ADCY2: variants seen among roughly 807,000 people sequenced by gnomAD.
ADCY2 encodes adenylate cyclase 2, also known as adenylate cyclase type 2.
Under a neutral mutation model 125.2 loss-of-function variants are expected in ADCY2, and 31 were observed. The observed-to-expected ratio is 0.25, with a 90% CI of 0.19 to 0.33. The LOEUF (loss-of-function observed/expected upper bound fraction) is 0.33, where lower values mean the gene tolerates loss of function less well. Among genes scored for constraint, ADCY2 ranks in the 10% least tolerant of loss-of-function variants. The pLI, the probability that ADCY2 is intolerant of heterozygous loss-of-function variation, is 1.00. For missense variants in ADCY2, 904 were observed against 1,418.2 expected (o/e 0.64, Z 5.82); for synonymous variants, 512 against 548.4 (o/e 0.93, Z 0.93).
At chr5:7,760,673 G>T (rs1743167632) in intron 16 of ADCY2, among the ~76,000 whole-genome samples, 2 of 152,062 alleles carry the variant, frequency 1.3e-5, no homozygotes, top group Admixed American at 1.3e-4. Context: ...ATGATGTTTT[G>T]ATATACATAT....
At chr5:7,664,516 G>A (rs1739647334) in intron 4 of ADCY2, among the ~76,000 whole-genome samples, 1 of 152,094 alleles carries the variant, frequency 6.6e-6, no homozygotes, top group African/African-American at 2.4e-5. Flanking sequence ...CTATCTAAGG[G>A]GTCTGGGGAG....
intron 3 of ADCY2, among the ~76,000 whole-genome samples, chr5:7,531,660 C>G (rs1734648275): frequency 1.3e-5 from 2 of 152,192 alleles, no homozygotes; most frequent in Non-Finnish European, 2.9e-5. Context: ...TAGGTCCTAT[C>G]TATGCCCCTG....
chr5:7,757,379 T>A, intron 15 of ADCY2, 70 bp from the exon 16 acceptor site: 1 of 1,559,978 alleles, frequency 6.4e-7, no homozygotes, highest in Non-Finnish European at 8.7e-7. Context: ...GTTGTAAACA[T>A]TGTCATCAAG....
At chr5:7,825,331 C>G (rs144817140) in intron 24 of ADCY2, among the ~76,000 whole-genome samples, 471 of 152,214 alleles carry the variant, frequency 3.1e-3, no homozygotes, top group Middle Eastern at 0.027. Flanking sequence ...TGTGCCATAA[C>G]ACTGCTGTGT....
intron 4 of ADCY2, among the ~76,000 whole-genome samples, chr5:7,644,999 C>CT (rs1340325205): frequency 6.6e-6 from 1 of 152,136 alleles, no homozygotes; most frequent in Non-Finnish European, 1.5e-5. Context: ...AGGGACAATT[C>CT]TGTCCTTGTT....
At position 7,813,470 on chromosome 5, in the gene ADCY2, A is replaced by G. The variant is rs571122939; in HGVS notation, c.2884-3396A>G. Among the ~76,000 whole-genome samples the G allele has an allele frequency of 2.0e-5, 3 of 152,348 alleles. No individual in the cohort carries two copies. The East Asian group carries it at 5.8e-4, about 29-fold the overall frequency. On this transcript the variant is annotated intron_variant, in intron 22 of 24. Coordinates refer to ENST00000338316, the MANE Select transcript of ADCY2 (RefSeq NM_020546.3). ...ACTTCCAAAACAACCAGTTTATAAA[A>G]TATGTTTCAGAGAACTGAGCGAGTA...
At chr5:7,726,906 A>G (rs1251658212) in intron 13 of ADCY2, among the ~76,000 whole-genome samples, 1 of 152,126 alleles carries the variant, frequency 6.6e-6, no homozygotes, top group Non-Finnish European at 1.5e-5. Context: ...TACTAGAGAG[A>G]TTCAGTTACT....
At chr5:7,566,617 G>A (rs1735901657) in intron 3 of ADCY2, among the ~76,000 whole-genome samples, 1 of 152,132 alleles carries the variant, frequency 6.6e-6, no homozygotes, top group Admixed American at 6.5e-5. Context: ...GCCCCACTTT[G>A]TAGATGTCAA....
intron 4 of ADCY2, among the ~76,000 whole-genome samples, chr5:7,652,930 G>A (rs1739147426): frequency 6.6e-6 from 1 of 152,172 alleles, no homozygotes; most frequent in Non-Finnish European, 1.5e-5. Context: ...TCCAGAAGGA[G>A]AAGAAACGTG....
intron 14 of ADCY2, among the ~76,000 whole-genome samples, chr5:7,734,504 T>C (rs1194130336): frequency 6.6e-6 from 1 of 152,196 alleles, no homozygotes; most frequent in Non-Finnish European, 1.5e-5. Flanking sequence ...AAAAGTAATT[T>C]TTCTTGCCTC....
At chr5:7,662,536 G>A (rs1057291604) in intron 4 of ADCY2, among the ~76,000 whole-genome samples, 4 of 152,188 alleles carry the variant, frequency 2.6e-5, no homozygotes, top group South Asian at 4.1e-4. Flanking sequence ...AGCCCAGCAC[G>A]GCAGCACTGC....
intron 3 of ADCY2, among the ~76,000 whole-genome samples, chr5:7,557,445 T>A: frequency 6.6e-6 from 1 of 151,760 alleles, no homozygotes; most frequent in Middle Eastern, 3.4e-3. Flanking sequence ...TGTCCTGGGG[T>A]TTTGTTGTAC....
chr5:7,542,763 G>A (rs1451204310), intron 3 of ADCY2, among the ~76,000 whole-genome samples: 2 of 152,152 alleles, frequency 1.3e-5, no homozygotes, highest in Non-Finnish European at 2.9e-5. Context: ...CAAACTGATT[G>A]TAAGTGTCAA....
chr5:7,795,861 G>GT (rs1333255849), intron 20 of ADCY2: 4 of 144,488 alleles, frequency 2.8e-5, no homozygotes, highest in Admixed American at 6.7e-5. Context: ...AGCATGATGT[G>GT]TAAAAAAAAA....
intron 2 of ADCY2, among the ~76,000 whole-genome samples, chr5:7,443,920 A>T (rs2126405124): frequency 6.6e-6 from 1 of 152,048 alleles, no homozygotes; most frequent in Non-Finnish European, 1.5e-5. Context: ...AATTTTCAGC[A>T]GTTTTCATCT....
chr5:7,777,751 G>A (rs1331256136), intron 18 of ADCY2, among the ~76,000 whole-genome samples: 1 of 152,216 alleles, frequency 6.6e-6, no homozygotes, highest in African/African-American at 2.4e-5. Context: ...GCGGAAAAAG[G>A]AGAAGTATGC....
At position 7,414,795 on chromosome 5, in the gene ADCY2, ACTT is replaced by A. The variant is rs1460464515; in HGVS notation, c.408+29_408+31del. On this transcript the variant is annotated intron_variant, in intron 2 of 24. Transcript: ENST00000338316. ...GGTAAGGTGTGAAAATATTTTTTGT[ACTT>A]CTTTTATGTCTTGATTTGTGACATA... 6 of 1,577,344 alleles carry A rather than the reference ACTT, an allele frequency of 3.8e-6. No individual in the cohort carries two copies. The African/African-American group carries it at 6.8e-5, about 18-fold the overall frequency.
chr5:7,728,587 A>G (rs903618344), intron 14 of ADCY2, among the ~76,000 whole-genome samples: 1 of 152,202 alleles, frequency 6.6e-6, no homozygotes. Flanking sequence ...TCAGGCCTGT[A>G]CCATGGTACT....
intron 19 of ADCY2, 82 bp from the exon 20 acceptor site, chr5:7,789,560 T>A: frequency 7.1e-7 from 1 of 1,409,900 alleles, no homozygotes; most frequent in Non-Finnish European, 9.7e-7. Flanking sequence ...ATTTTGTTCT[T>A]TTTGTTTTCT....
Sources: gnomAD v4.1 joint callset for allele counts (sites outside exome capture counted in the v4.1 genomes callset) on GRCh38, gnomAD v4.1.1 for gene constraint, MANE v1.5 for transcripts, NCBI Gene and HGNC (gene_info 2026-07-23, HGNC 2026-07-21) for gene names.